Variants in NPAT observed in about 807,000 individuals in gnomAD.
NPAT encodes the protein nuclear protein, coactivator of histone transcription.
NPAT carries 52 observed loss-of-function variants against 130.7 expected under a neutral mutation model. The ratio of observed to expected loss-of-function variants is 0.40; its 90% CI spans 0.32 to 0.50. The LOEUF (loss-of-function observed/expected upper bound fraction) is 0.50, where lower values mean the gene tolerates loss of function less well. Ranked by LOEUF, NPAT falls within the 20% of genes least tolerant of loss-of-function variation. The probability of loss-of-function intolerance (pLI) is 0.68; values close to 1 mark genes in which losing one functional copy is unlikely to be tolerated. For missense variants in NPAT, 1,687 were observed against 1,662.6 expected (o/e 1.01, Z -0.26); for synonymous variants, 580 against 584.8 (o/e 0.99, Z 0.12).
At chr11:108,212,566 A>G (rs1157256489) in intron 1 of NPAT, among the ~76,000 whole-genome samples, 1 of 151,320 alleles carries the variant, frequency 6.6e-6, no homozygotes, top group African/African-American at 2.4e-5. Flanking sequence ...AAAGGAAAAA[A>G]TCAAGATTAC....
chr11:108,201,032 A>G (rs2078271255), intron 1 of NPAT, among the ~76,000 whole-genome samples: 1 of 152,196 alleles, frequency 6.6e-6, no homozygotes, highest in Admixed American at 6.5e-5. Flanking sequence ...TCCTCAGGTG[A>G]AAGTTTTACA....
At chr11:108,221,054 C>T (rs2078485158) in intron 1 of NPAT, among the ~76,000 whole-genome samples, 1 of 152,000 alleles carries the variant, frequency 6.6e-6, no homozygotes. Flanking sequence ...AAAGAATACT[C>T]ACACATCGAT....
intron 1 of NPAT, among the ~76,000 whole-genome samples, chr11:108,221,727 G>T (rs1048926210): frequency 6.6e-6 from 1 of 152,048 alleles, no homozygotes; most frequent in African/African-American, 2.4e-5. Flanking sequence ...CCTGGCTCTC[G>T]TCCCCTGTAG....
chr11:108,202,903 C>T (rs1165313685), intron 1 of NPAT, among the ~76,000 whole-genome samples: 3 of 152,084 alleles, frequency 2.0e-5, no homozygotes, highest in Admixed American at 1.3e-4. Context: ...TGTAATTATT[C>T]GTTTTGCACT....
At chr11:108,220,145 T>C (rs556129614) in intron 1 of NPAT, among the ~76,000 whole-genome samples, 2 of 152,340 alleles carry the variant, frequency 1.3e-5, no homozygotes, top group East Asian at 1.9e-4. Context: ...ACTGAACTGA[T>C]GGCCCAGAGG....
At chr11:108,173,982 C>T (rs1051698504) in intron 12 of NPAT, 131 bp from the exon 13 acceptor site, 20 of 790,884 alleles carry the variant, frequency 2.5e-5, no homozygotes, top group African/African-American at 2.0e-4. Context: ...AAGTCTGATA[C>T]GCTGTGTTTC....
Position 108,189,286 on chromosome 11 carries a change from G to A in NPAT, c.376C>T (p.Leu126Phe). 13 of 1,614,180 alleles carry A rather than the reference G, an allele frequency of 8.1e-6. No individual in the cohort carries two copies. The highest frequency in any genetic ancestry group is 1.1e-5 in the Non-Finnish European group (13 of 1,180,028). Residue 126 changes from leucine (L) to phenylalanine (F), a missense_variant, in exon 6 of 18, where the codon CTT becomes TTT. By Grantham distance (22) the Leu-to-Phe change is conservative. Around this residue, in one of 3 missense-constraint regions of NPAT, gnomAD observed 307 missense variants for 298.9 expected, o/e 1.03. Coordinates refer to ENST00000278612, the MANE Select transcript of NPAT (RefSeq NM_002519.3). ...CTGGCTGGAGCTGTTTGAGATGCAA[G>A]CTTTCTCTGCCGTTTGATTTCTGCA... The part of the protein sequence containing the change: ...GIAEIKRQRK[L>F]ASQTAPASAE...
intron 2 of NPAT, among the ~76,000 whole-genome samples, chr11:108,196,333 T>C (rs1465794326): frequency 6.6e-6 from 1 of 152,226 alleles, no homozygotes; most frequent in Non-Finnish European, 1.5e-5. Flanking sequence ...TGCCCCTTCA[T>C]CTCGATTATC....
chr11:108,161,065 C>T lies in NPAT; in HGVS notation c.4021G>A (p.Ala1341Thr), dbSNP rs1261234845. Reference sequence around the variant, plus strand: ...GCTGAAGTAGTCCTAGAAATGGCTGCCCTGGAGAGAATCATTAATGTGTGG... The same window carrying T: ...GCTGAAGTAGTCCTAGAAATGGCTGTCCTGGAGAGAATCATTAATGTGTGG... ...AAHTLMILSRAAISRTTSATP... is the reference protein window; with the variant it reads ...AAHTLMILSRTAISRTTSATP... The change falls in exon 17 of 18, where the codon GCA becomes ACA. Residue 1341 changes from alanine (A) to threonine (T), a missense_variant. By Grantham distance (58) the Ala-to-Thr change is moderately conservative (BLOSUM62 0). This residue lies in a region of NPAT where 1,379 missense variants were observed against 1,346.6 expected (regional missense o/e 1.02). Coordinates refer to ENST00000278612, the MANE Select transcript of NPAT (RefSeq NM_002519.3). The T allele has an allele frequency of 1.2e-6, 2 of 1,614,082 alleles. No homozygotes were observed. The highest frequency in any genetic ancestry group is 2.2e-5 in the East Asian group (1 of 44,880).
chr11:108,209,946 A>C (rs1193310712), intron 1 of NPAT, among the ~76,000 whole-genome samples: 1 of 151,760 alleles, frequency 6.6e-6, no homozygotes, highest in Non-Finnish European at 1.5e-5. Flanking sequence ...TTAAGAAACT[A>C]GAAAAAGAGC....
intron 1 of NPAT, among the ~76,000 whole-genome samples, chr11:108,216,879 T>C (rs1175353070): frequency 6.6e-6 from 1 of 152,238 alleles, no homozygotes; most frequent in South Asian, 2.1e-4. Flanking sequence ...TGATGTATTC[T>C]GGTTTACTTT....
Position 108,172,912 on chromosome 11 carries a change from T to C in NPAT, c.2072A>G (p.Glu691Gly). The C allele has an allele frequency of 6.2e-7, 1 of 1,614,100 alleles. No homozygotes were observed. The highest frequency in any genetic ancestry group is 8.5e-7 in the Non-Finnish European group (1 of 1,180,000). ...NCEKVALTPP[E>G]GTPVENSHSL... ...GTGACTGTTTTCTACAGGAGTGCCT[T>C]CTGGAGGCGTCAGTGCAACTTTCTC... The change falls in exon 13 of 18, where the codon GAA becomes GGA. Residue 691 changes from glutamate (E) to glycine (G), a missense_variant. Physicochemically the swap from Glu to Gly is moderately conservative, Grantham distance 98. Coordinates refer to ENST00000278612, the MANE Select transcript of NPAT (RefSeq NM_002519.3).
chr11:108,180,940 A>G (rs1387322109), intron 10 of NPAT, among the ~76,000 whole-genome samples: 4 of 152,224 alleles, frequency 2.6e-5, no homozygotes, highest in Non-Finnish European at 5.9e-5. Flanking sequence ...CAGTTACATA[A>G]AGTAAATGCT....
At chr11:108,178,546 A>G (rs1351294050) in intron 10 of NPAT, among the ~76,000 whole-genome samples, 2 of 152,204 alleles carry the variant, frequency 1.3e-5, no homozygotes, top group Non-Finnish European at 2.9e-5. Context: ...AGAAACAGGA[A>G]AAACTACCTT....
chr11:108,194,885 A>G (rs2078205596), intron 2 of NPAT, among the ~76,000 whole-genome samples: 2 of 149,078 alleles, frequency 1.3e-5, no homozygotes, highest in African/African-American at 5.0e-5. Flanking sequence ...GTGCAGTGGC[A>G]CAATCTCGGC....
At chr11:108,206,182 G>A (rs1293902019) in intron 1 of NPAT, among the ~76,000 whole-genome samples, 2 of 152,234 alleles carry the variant, frequency 1.3e-5, no homozygotes, top group African/African-American at 4.8e-5. Flanking sequence ...TAATTTATAT[G>A]ACCTTAAAAA....
chr11:108,174,652 C>T (rs1193207223), intron 12 of NPAT, among the ~76,000 whole-genome samples: 50 of 139,394 alleles, frequency 3.6e-4, no homozygotes, highest in African/African-American at 1.0e-3. Context: ...CTTGCTCTGT[C>T]GCCCAGGCTG....
At chr11:108,196,583 T>C (rs1360297686) in intron 2 of NPAT, among the ~76,000 whole-genome samples, 4 of 152,218 alleles carry the variant, frequency 2.6e-5, no homozygotes, top group Non-Finnish European at 2.9e-5. Context: ...ATTCTCCTTT[T>C]ATTCAGGCCT....
At chr11:108,159,050 C>G (rs781751517) in intron 17 of NPAT, 31 bp from the exon 18 acceptor site, 11 of 1,412,882 alleles carry the variant, frequency 7.8e-6, no homozygotes, top group Non-Finnish European at 9.9e-6. Flanking sequence ...AAAATAAACT[C>G]AAAACAAGGC....
Sources: gnomAD v4.1 joint callset for allele counts (sites outside exome capture counted in the v4.1 genomes callset) on GRCh38, gnomAD v4.1.1 for gene constraint, gnomAD v4.1.1 regional missense constraint, MANE v1.5 for transcripts, NCBI Gene and HGNC (gene_info 2026-07-23, HGNC 2026-07-21) for gene names.